The following ZDHHC20 variants were observed in gnomAD, a reference collection of about 807,000 sequenced individuals.
ZDHHC20 encodes the protein palmitoyltransferase ZDHHC20.
In ZDHHC20, 43 loss-of-function variants were observed where a neutral mutation model predicts 57.8. That is an observed-to-expected ratio of 0.74 (90% CI 0.58 to 0.96). The LOEUF is 0.96. Among genes scored for constraint, ZDHHC20 ranks in the 40% least tolerant of loss-of-function variants. The probability of loss-of-function intolerance (pLI) is 0.00; values close to 1 mark genes in which losing one functional copy is unlikely to be tolerated. For synonymous variants in ZDHHC20, 157 were observed against 153.0 expected, an observed-to-expected ratio of 1.03 and a Z score of -0.19; for missense variants, 391 against 441.1, an observed-to-expected ratio of 0.89 and a Z score of 1.02.
intron 1 of ZDHHC20, among the ~76,000 whole-genome samples, chr13:21,435,606 G>A (rs750282803): frequency 6.6e-6 from 1 of 152,154 alleles, no homozygotes; most frequent in Non-Finnish European, 1.5e-5. Flanking sequence ...CAATAAATAA[G>A]TAAATGGGAG....
chr13:21,398,038 C>G (rs781323671), intron 7 of ZDHHC20, among the ~76,000 whole-genome samples: 1 of 152,126 alleles, frequency 6.6e-6, no homozygotes, highest in Admixed American at 6.5e-5. Flanking sequence ...TACATCAATC[C>G]TATAAGTTAT....
At chr13:21,447,284 CTCTCCCTCTCCCTCTCCG>C (rs1883820561) in intron 1 of ZDHHC20, among the ~76,000 whole-genome samples, 1 of 147,102 alleles carries the variant, frequency 6.8e-6, no homozygotes, top group African/African-American at 2.5e-5. Context: ...AGCGCTCTCC[CTCTCCCTCTCCCTCTCCG>C]TCTCCCTCTC....
chr13:21,406,121 C>T (rs1329439953), intron 4 of ZDHHC20, among the ~76,000 whole-genome samples: 1 of 152,154 alleles, frequency 6.6e-6, no homozygotes, highest in African/African-American at 2.4e-5. Flanking sequence ...CAGTTATTTC[C>T]CCCTGGCAGC....
chr13:21,383,029 A>T lies in ZDHHC20; in HGVS notation c.855-20T>A. 1 of 1,537,170 alleles carries T rather than the reference A, an allele frequency of 6.5e-7. No homozygotes were observed. The highest frequency in any genetic ancestry group is 1.4e-5 in the African/African-American group (1 of 72,886). ...CCCAAGCTGCATAATGAAAAAGAGT[A>T]ATAATTTAAATAATGTTAAGTTAAA... On this transcript the variant is annotated intron_variant, in intron 9 of 12. Transcript: ENST00000400590.
chr13:21,437,324 T>C (rs1403529847), intron 1 of ZDHHC20, among the ~76,000 whole-genome samples: 3 of 152,224 alleles, frequency 2.0e-5, no homozygotes, highest in East Asian at 1.9e-4. Context: ...GCTGAGATAA[T>C]TGATGAAGGT....
chr13:21,441,993 T>C (rs977969845), intron 1 of ZDHHC20, among the ~76,000 whole-genome samples: 2 of 152,218 alleles, frequency 1.3e-5, no homozygotes, highest in African/African-American at 4.8e-5. Context: ...CCTGGTTTTA[T>C]AGTGGAATAT....
chr13:21,408,924 A>G (rs1347468692), intron 4 of ZDHHC20, among the ~76,000 whole-genome samples: 1 of 152,210 alleles, frequency 6.6e-6, no homozygotes, highest in Non-Finnish European at 1.5e-5. Flanking sequence ...CGATTTGTGT[A>G]TATTGAACCA....
chr13:21,411,273 A>C (rs749348928), intron 4 of ZDHHC20, among the ~76,000 whole-genome samples: 12 of 152,144 alleles, frequency 7.9e-5, no homozygotes, highest in Admixed American at 4.6e-4. Flanking sequence ...CGTTGGTCTC[A>C]CTGGGAGCTG....
chr13:21,431,891 A>G lies in ZDHHC20; in HGVS notation c.119-6213T>C, dbSNP rs530648808. Among the ~76,000 whole-genome samples, 94 of 152,312 alleles carry G rather than the reference A, an allele frequency of 6.2e-4. 1 individual carries two copies. The highest frequency in any genetic ancestry group is 2.2e-3 in the African/African-American group (90 of 41,582). On this transcript the variant is annotated intron_variant, in intron 1 of 12. Transcript: ENST00000400590. ...GTGTGCCAATATTTTCTCCTAGGCC[A>G]TAACTTGCCTCTTTATATTTTTAAC...
rs546839688 is a variant in ZDHHC20 at position 21,398,292 on chromosome 13, G to A, written c.594+2081C>T. 1.6e-4 allele frequency among the ~76,000 whole-genome samples: 24 copies of A among 151,978 alleles called. No homozygotes were observed. In the East Asian group the frequency reaches 1.7e-3, roughly 11 times the overall value. ...ATCCTGGCTAACACGGTGAAACCCC[G>A]TCTCTACTAAAAATACAAAAAATTA... On this transcript the variant is annotated intron_variant, in intron 7 of 12. Transcript: ENST00000400590.
At chr13:21,400,305 G>GTAA in intron 7 of ZDHHC20, 68 bp downstream of exon 7, 1 of 1,394,170 alleles carries the variant, frequency 7.2e-7, no homozygotes, top group Non-Finnish European at 9.6e-7. Context: ...AAAAAATAAA[G>GTAA]TAATTTATTA....
chr13:21,396,857 A>AG (rs1876872242), intron 7 of ZDHHC20, among the ~76,000 whole-genome samples: 1 of 151,236 alleles, frequency 6.6e-6, no homozygotes, highest in Non-Finnish European at 1.5e-5. Context: ...AAAGAAAGAA[A>AG]ACTCAGAAAA....
chr13:21,401,811 A>C, intron 5 of ZDHHC20, 126 bp from the exon 6 acceptor site: 1 of 791,494 alleles, frequency 1.3e-6, no homozygotes, highest in Non-Finnish European at 1.9e-6. Context: ...TCAACCCAGA[A>C]ACTAGGTTAG....
intron 9 of ZDHHC20, among the ~76,000 whole-genome samples, chr13:21,385,207 T>C (rs1593178027): frequency 6.6e-6 from 1 of 152,164 alleles, no homozygotes; most frequent in East Asian, 1.9e-4. Flanking sequence ...GGTGGGCGGA[T>C]TGCTTGAGGC....
In ZDHHC20 at chr13:21,391,735, A is replaced by G. The variant is rs372909624; in HGVS notation, c.714T>C (p.Asn238=). 9.3e-6 allele frequency: 15 copies of G among 1,608,858 alleles called. No homozygotes were observed. The highest frequency in any genetic ancestry group is 5.4e-5 in the African/African-American group (4 of 74,602). ...FSYHCWLVGK[N]RTTIESFRAP... ...TAACCTACTTACCTATTGTTGTTCTATTTTTTCCAACTAGCCAGCAGTGGT... is the reference window on the plus strand; with the variant it reads ...TAACCTACTTACCTATTGTTGTTCTGTTTTTTCCAACTAGCCAGCAGTGGT... Residue 238 remains asparagine, a synonymous_variant, in exon 8 of 13, where the codon AAT becomes AAC. Transcript: ENST00000400590.
intron 4 of ZDHHC20, among the ~76,000 whole-genome samples, chr13:21,412,301 T>C (rs983759444): frequency 2.6e-5 from 4 of 152,194 alleles, no homozygotes; most frequent in African/African-American, 9.7e-5. Flanking sequence ...AACTCATTAC[T>C]GAAAACTATT....
intron 11 of ZDHHC20, 137 bp downstream of exon 11, chr13:21,381,297 C>T (rs1053976737): frequency 1.9e-5 from 14 of 755,200 alleles, no homozygotes; most frequent in African/African-American, 1.8e-5. Context: ...TGAGCCACCG[C>T]GCCCAGCATA....
intron 4 of ZDHHC20, among the ~76,000 whole-genome samples, chr13:21,408,083 G>T (rs1402685589): frequency 6.6e-5 from 10 of 152,134 alleles, no homozygotes; most frequent in Non-Finnish European, 1.3e-4. Flanking sequence ...TTTTGCTTAG[G>T]ATTGTCTCGG....
rs1302416856 is a variant in ZDHHC20 at position 21,391,969 on chromosome 13, AAAT to A, written c.595-118_595-116del. ...ATACTTGCCATATTTGAAAACTAAT[AAAT>A]TACTTAATATATCCCAATGCAACAA... On this transcript the variant is annotated intron_variant, in intron 7 of 12. Coordinates refer to ENST00000400590, the MANE Select transcript of ZDHHC20 (RefSeq NM_001330059.2). 6 of 1,204,712 alleles carry A rather than the reference AAAT, an allele frequency of 5.0e-6. No individual in the cohort carries two copies. The Admixed American group carries it at 1.7e-4, about 34-fold the overall frequency. The allele number at this position is 1,204,712 out of a possible 1,614,324, so 74.6% of individuals were successfully genotyped here. A position where few individuals can be genotyped will look rare whatever the true frequency, so the allele number is the denominator to read the frequency against.
Sources: gnomAD v4.1 joint callset for allele counts (sites outside exome capture counted in the v4.1 genomes callset) on GRCh38, gnomAD v4.1.1 for gene constraint, MANE v1.5 for transcripts, NCBI Gene and HGNC (gene_info 2026-07-23, HGNC 2026-07-21) for gene names.